Variants in WWTR1 observed in about 807,000 individuals in gnomAD.
WWTR1 encodes the protein WW domain-containing transcription regulator protein 1.
A neutral mutation model predicts 40.1 loss-of-function variants in WWTR1; 13 were observed. The observed-to-expected ratio is 0.32, with a 90% CI of 0.21 to 0.52. The LOEUF is 0.52. Among genes scored for constraint, WWTR1 ranks in the 20% least tolerant of loss-of-function variants. The probability of loss-of-function intolerance (pLI) is 0.97; values close to 1 mark genes in which losing one functional copy is unlikely to be tolerated. For synonymous variants in WWTR1, 230 were observed against 210.1 expected, an observed-to-expected ratio of 1.09 and a Z score of -0.82; for missense variants, 436 against 523.1, an observed-to-expected ratio of 0.83 and a Z score of 1.63.
intron 4 of WWTR1, among the ~76,000 whole-genome samples, chr3:149,530,624 T>G (rs555522392): frequency 1.3e-5 from 2 of 151,646 alleles, no homozygotes; most frequent in South Asian, 2.1e-4. Flanking sequence ...TCTAAATATA[T>G]AAATAAAATA....
chr3:149,691,962 G>A (rs1482746615), intron 1 of WWTR1, among the ~76,000 whole-genome samples: 1 of 152,072 alleles, frequency 6.6e-6, no homozygotes, highest in African/African-American at 2.4e-5. Flanking sequence ...CTTGCAGTGA[G>A]CCGAGATCAC....
At chr3:149,629,268 A>G (rs1711499987) in intron 2 of WWTR1, among the ~76,000 whole-genome samples, 1 of 152,234 alleles carries the variant, frequency 6.6e-6, no homozygotes, top group African/African-American at 2.4e-5. Context: ...CAGTCAAACT[A>G]AAATATTTGT....
upstream of WWTR1, among the ~76,000 whole-genome samples, chr3:149,662,186 A>C (rs531001709): frequency 3.9e-5 from 6 of 152,252 alleles, no homozygotes; most frequent in Admixed American, 2.0e-4. Context: ...TTAAAAAAAA[A>C]CAAAAAACCC....
chr3:149,671,930 C>T (rs1714101092), intron 1 of WWTR1, among the ~76,000 whole-genome samples: 1 of 152,066 alleles, frequency 6.6e-6, no homozygotes, highest in African/African-American at 2.4e-5. Flanking sequence ...CAATCAAAGC[C>T]TATTTCTTTC....
intron 2 of WWTR1, among the ~76,000 whole-genome samples, chr3:149,640,007 A>AG (rs1576615548): frequency 6.7e-6 from 1 of 150,332 alleles, no homozygotes; most frequent in East Asian, 1.9e-4. Flanking sequence ...AAAAAAAAAA[A>AG]AAAAAAGAAA....
intron 2 of WWTR1, among the ~76,000 whole-genome samples, chr3:149,628,266 A>AG (rs1272642939): frequency 6.6e-6 from 1 of 152,070 alleles, no homozygotes; most frequent in Admixed American, 6.5e-5. Context: ...GCTACTCGGG[A>AG]GGCTGAGGCA....
At chr3:149,543,955 A>G (rs563506232) in intron 3 of WWTR1, among the ~76,000 whole-genome samples, 151 of 151,226 alleles carry the variant, frequency 1.0e-3, no homozygotes, top group African/African-American at 3.6e-3. Flanking sequence ...AAACATAGAG[A>G]CGAGGTTTCA....
chr3:149,677,604 G>T (rs1421897847), intron 1 of WWTR1, among the ~76,000 whole-genome samples: 1 of 152,150 alleles, frequency 6.6e-6, no homozygotes, highest in Non-Finnish European at 1.5e-5. Context: ...ACTTTGGGAG[G>T]CCGAGACGGG....
intron 2 of WWTR1, among the ~76,000 whole-genome samples, chr3:149,668,405 G>C (rs1713922884): frequency 6.6e-6 from 1 of 152,008 alleles, no homozygotes; most frequent in Non-Finnish European, 1.5e-5. Context: ...TCAGGAGTTT[G>C]AGACCAGCCT....
intron 3 of WWTR1, among the ~76,000 whole-genome samples, chr3:149,566,288 T>C (rs1025976707): frequency 6.6e-6 from 1 of 152,172 alleles, no homozygotes; most frequent in African/African-American, 2.4e-5. Flanking sequence ...CCAGTGTTCC[T>C]TTTCTTCCAT....
At chr3:149,558,558 A>T (rs1412294693) in intron 3 of WWTR1, among the ~76,000 whole-genome samples, 2 of 152,170 alleles carry the variant, frequency 1.3e-5, no homozygotes, top group Non-Finnish European at 2.9e-5. Flanking sequence ...TTCCATAGAC[A>T]CTACCTTCAT....
chr3:149,656,825 G>C (rs777375967), intron 2 of WWTR1, 51 bp downstream of exon 2: 1 of 1,442,350 alleles, frequency 6.9e-7, no homozygotes, highest in Non-Finnish European at 9.2e-7. Context: ...GAACACACGC[G>C]CGCGTTGGGC....
intron 4 of WWTR1, chr3:149,541,067 A>G (rs1241505910): frequency 4.4e-6 from 2 of 456,090 alleles, no homozygotes; most frequent in Non-Finnish European, 8.8e-6. Flanking sequence ...TGTTAAAACT[A>G]CTTATTTCTC....
At chr3:149,642,968 C>T (rs1712270632) in intron 2 of WWTR1, among the ~76,000 whole-genome samples, 1 of 152,188 alleles carries the variant, frequency 6.6e-6, no homozygotes, top group African/African-American at 2.4e-5. Context: ...ATCCCGCCTA[C>T]TAAATTCACA....
chr3:149,639,119 G>A (rs1014098905), intron 2 of WWTR1, among the ~76,000 whole-genome samples: 2 of 152,156 alleles, frequency 1.3e-5, no homozygotes, highest in Admixed American at 6.5e-5. Flanking sequence ...TCTAGCAATG[G>A]TCTACAAAGA....
In WWTR1 at chr3:149,546,203, C is replaced by T. The variant is rs147883689; in HGVS notation, c.569-3666G>A. Among the ~76,000 whole-genome samples the T allele has an allele frequency of 4.6e-5, 7 of 152,334 alleles. No homozygotes were observed. In the East Asian group the frequency reaches 1.2e-3, roughly 25 times the overall value. The stretch of plus-strand genomic sequence containing the variant: ...TTTAGATTTGATCTTTCAGACTAAA[C>T]ATCTCTCATTATTAACTGTAGAGTC... On this transcript the variant is annotated intron_variant, in intron 3 of 6. Coordinates refer to ENST00000360632, the MANE Select transcript of WWTR1 (RefSeq NM_015472.6).
intron 2 of WWTR1, among the ~76,000 whole-genome samples, chr3:149,623,392 T>C (rs972001866): frequency 1.3e-5 from 2 of 151,864 alleles, no homozygotes; most frequent in Non-Finnish European, 2.9e-5. Flanking sequence ...CATATGGCCA[T>C]TTAAAGTGTG....
At chr3:149,621,751 TG>T (rs1386022650) in intron 2 of WWTR1, among the ~76,000 whole-genome samples, 10 of 151,916 alleles carry the variant, frequency 6.6e-5, no homozygotes, top group Non-Finnish European at 1.3e-4. Flanking sequence ...TAATGTCTGA[TG>T]TAATGCATTA....
chr3:149,587,100 G>A (rs1014612676), intron 2 of WWTR1, among the ~76,000 whole-genome samples: 1 of 152,194 alleles, frequency 6.6e-6, no homozygotes, highest in South Asian at 2.1e-4. Flanking sequence ...CAGAAGCACA[G>A]GTCACCACCT....
Sources: gnomAD v4.1 joint callset for allele counts (sites outside exome capture counted in the v4.1 genomes callset) on GRCh38, gnomAD v4.1.1 for gene constraint, MANE v1.5 for transcripts, NCBI Gene and HGNC (gene_info 2026-07-23, HGNC 2026-07-21) for gene names.